The following FMN1 variants were observed in gnomAD, a reference collection of about 807,000 sequenced individuals.
FMN1 encodes formin 1.
In FMN1, 110 loss-of-function variants were observed where a neutral mutation model predicts 132.4. The observed-to-expected ratio is 0.83, with a 90% CI of 0.71 to 0.97. FMN1 has a LOEUF of 0.97. FMN1 is among the 50% of genes least tolerant of loss of function. The pLI, the probability that FMN1 is intolerant of heterozygous loss-of-function variation, is 0.00. For missense variants in FMN1, 1,792 were observed against 1,705.3 expected, an observed-to-expected ratio of 1.05 and a Z score of -0.90; for synonymous variants, 722 against 651.7, an observed-to-expected ratio of 1.11 and a Z score of -1.64.
intron 7 of FMN1, among the ~76,000 whole-genome samples, chr15:32,994,879 T>G (rs903378711): frequency 2.0e-5 from 3 of 152,228 alleles, no homozygotes; most frequent in Non-Finnish European, 2.9e-5. Context: ...TATGGACTTA[T>G]GTGCACTTTG....
At chr15:33,010,189 T>A (rs898118850) in intron 6 of FMN1, among the ~76,000 whole-genome samples, 1 of 151,880 alleles carries the variant, frequency 6.6e-6, no homozygotes, top group Admixed American at 6.6e-5. Flanking sequence ...CTATGCAGAG[T>A]GAAAGAAGTC....
intron 16 of FMN1, among the ~76,000 whole-genome samples, chr15:32,866,947 A>C (rs1270966018): frequency 6.6e-6 from 1 of 152,072 alleles, no homozygotes; most frequent in African/African-American, 2.4e-5. Context: ...TTAAACGTTA[A>C]AGTTCTCTAG....
rs2056191668 is a variant in FMN1 at position 32,770,379 on chromosome 15, T to C, written c.*3931A>G. On this transcript the variant is annotated 3_prime_UTR_variant, in exon 21 of 21. Transcript: ENST00000616417. ...AACTTTCAAGAAAGGAAGAGTATCA[T>C]TAAAATGAAAATTTCTCTGTTGCAA... The C allele has an allele frequency of 6.9e-6, 1 of 144,028 alleles. No individual in the cohort carries two copies. The highest frequency in any genetic ancestry group is 2.5e-5 in the African/African-American group (1 of 39,758). The allele number at this position is 144,028 out of a possible 1,614,324, so 8.9% of individuals were successfully genotyped here.
chr15:32,877,933 T>C (rs752455998), intron 16 of FMN1, among the ~76,000 whole-genome samples: 1 of 152,190 alleles, frequency 6.6e-6, no homozygotes, highest in East Asian at 1.9e-4. Context: ...ACCAGCACAG[T>C]AAATATAAAC....
chr15:32,951,389 TC>T (rs1232407876), intron 9 of FMN1, among the ~76,000 whole-genome samples: 1 of 151,580 alleles, frequency 6.6e-6, no homozygotes, highest in African/African-American at 2.4e-5. Flanking sequence ...TGGCTAAAAT[TC>T]ATTTGCTTTA....
chr15:33,082,092 A>AGTGTGTGTGTGT (rs1566899546), intron 5 of FMN1, among the ~76,000 whole-genome samples: 12 of 87,920 alleles, frequency 1.4e-4, no homozygotes, highest in African/African-American at 2.0e-4. Flanking sequence ...GCTGGAAAAC[A>AGTGTGTGTGTGT]ATGTGTGTGT....
chr15:32,790,111 C>G (rs919307251), intron 19 of FMN1, among the ~76,000 whole-genome samples: 1 of 152,192 alleles, frequency 6.6e-6, no homozygotes, highest in Non-Finnish European at 1.5e-5. Context: ...ACACAAGAGA[C>G]TGGAGTAGAC....
chr15:33,191,328 A>G (rs984763268), intron 2 of FMN1, among the ~76,000 whole-genome samples: 40 of 152,218 alleles, frequency 2.6e-4, no homozygotes, highest in African/African-American at 9.6e-4. Flanking sequence ...TTCGAATAAG[A>G]TGGAACATAA....
chr15:32,868,373 T>C (rs74434018), intron 16 of FMN1, among the ~76,000 whole-genome samples: 212 of 152,302 alleles, frequency 1.4e-3, no homozygotes, highest in African/African-American at 4.8e-3. Flanking sequence ...TGAATAATGT[T>C]GGGGACTGTA....
At chr15:33,167,497 C>G (rs929583132) in intron 3 of FMN1, among the ~76,000 whole-genome samples, 3 of 152,166 alleles carry the variant, frequency 2.0e-5, no homozygotes, top group Admixed American at 6.5e-5. Context: ...GAGGTCTTAA[C>G]CAGTGCTAGG....
At chr15:33,032,500 T>A (rs1164421245) in intron 6 of FMN1, among the ~76,000 whole-genome samples, 1 of 152,244 alleles carries the variant, frequency 6.6e-6, no homozygotes, top group Non-Finnish European at 1.5e-5. Context: ...CTAATTTTTC[T>A]ACAGAAAACT....
intron 17 of FMN1, among the ~76,000 whole-genome samples, chr15:32,827,141 A>G (rs977778418): frequency 6.6e-6 from 1 of 152,202 alleles, no homozygotes; most frequent in African/African-American, 2.4e-5. Context: ...AGTGGCCTCC[A>G]GTCACTCTTT....
chr15:32,924,429 T>C (rs1293889270), intron 10 of FMN1, among the ~76,000 whole-genome samples: 2 of 152,020 alleles, frequency 1.3e-5, no homozygotes, highest in Non-Finnish European at 2.9e-5. Context: ...GATGTGAAAG[T>C]AACTTAAGTG....
chr15:32,784,717 A>C (rs1477203057), intron 19 of FMN1, among the ~76,000 whole-genome samples: 1 of 152,206 alleles, frequency 6.6e-6, no homozygotes, highest in African/African-American at 2.4e-5. Flanking sequence ...TGGCAAATAC[A>C]GACAGGCACA....
chr15:32,994,125 A>G (rs979571068), intron 7 of FMN1, among the ~76,000 whole-genome samples: 5 of 151,936 alleles, frequency 3.3e-5, no homozygotes, highest in African/African-American at 4.8e-5. Flanking sequence ...TTAACATATC[A>G]ATTTGTGCTT....
At chr15:32,893,180 T>C (rs936173730) in intron 15 of FMN1, among the ~76,000 whole-genome samples, 5 of 152,218 alleles carry the variant, frequency 3.3e-5, no homozygotes, top group African/African-American at 2.4e-5. Context: ...ATGTACTTTT[T>C]TCCCCCATCT....
At chr15:33,125,497 C>G (rs1971219) in intron 4 of FMN1, among the ~76,000 whole-genome samples, 134,765 of 152,126 alleles carry the variant, frequency 0.89, 59,789 homozygotes, top group East Asian at 0.97. Flanking sequence ...TATGTCTGGT[C>G]TTCAAATGAA....
In FMN1 at chr15:32,772,467, T is replaced by C. The variant is rs1199929268; in HGVS notation, c.*1843A>G. 6.6e-6 allele frequency: 1 copy of C among 152,216 alleles called. No individual in the cohort carries two copies. The highest frequency in any genetic ancestry group is 1.5e-5 in the Non-Finnish European group (1 of 68,034). The allele number at this position is 152,216 out of a possible 1,614,324, so 9.4% of individuals were successfully genotyped here. A position where few individuals can be genotyped will look rare whatever the true frequency, so the allele number is the denominator to read the frequency against. ...ATAAGTGGAATCAGTTTTTAATTGATCCGTTCTTTTGGTTGTCTTCAGAGT... is the reference window on the plus strand; with the variant it reads ...ATAAGTGGAATCAGTTTTTAATTGACCCGTTCTTTTGGTTGTCTTCAGAGT... On this transcript the variant is annotated 3_prime_UTR_variant, in exon 21 of 21. Coordinates refer to ENST00000616417, the MANE Select transcript of FMN1 (RefSeq NM_001277313.2).
At chr15:33,080,459 G>A (rs1320619401) in intron 5 of FMN1, among the ~76,000 whole-genome samples, 2 of 152,168 alleles carry the variant, frequency 1.3e-5, no homozygotes, top group Non-Finnish European at 2.9e-5. Context: ...CTGCTTAAAA[G>A]TTCCAGAGAC....
Sources: allele counts gnomAD v4.1 joint callset (sites outside exome capture counted in the v4.1 genomes callset), GRCh38; gene constraint gnomAD v4.1.1; transcripts MANE v1.5; gene names NCBI Gene and HGNC (gene_info 2026-07-23, HGNC 2026-07-21).